Variants in PPP1R9A observed in about 807,000 individuals in gnomAD.
The protein encoded by PPP1R9A is protein phosphatase 1 regulatory subunit 9A, also known as neurabin-1.
A neutral mutation model predicts 141.9 loss-of-function variants in PPP1R9A; 59 were observed. The ratio of observed to expected loss-of-function variants is 0.42; its 90% CI spans 0.34 to 0.52. The LOEUF (loss-of-function observed/expected upper bound fraction) is 0.52. PPP1R9A is among the 20% of genes least tolerant of loss of function. PPP1R9A has a pLI of 0.10. For synonymous variants in PPP1R9A, 500 were observed against 569.7 expected (o/e 0.88, Z 1.74); for missense variants, 1,444 against 1,611.9 (o/e 0.90, Z 1.78).
chr7:95,268,927 G>A (rs1380102246), intron 13 of PPP1R9A, among the ~76,000 whole-genome samples: 2 of 152,064 alleles, frequency 1.3e-5, no homozygotes, highest in African/African-American at 4.8e-5. Context: ...TATCTGTATT[G>A]TCATATTTCA....
At position 95,295,639 on chromosome 7, in the gene PPP1R9A, G is replaced by A. The variant is rs1807005494; in HGVS notation, c.*5336G>A. The stretch of plus-strand genomic sequence containing the variant: ...CCAAAAACAACACAAGTGGTTGGGA[G>A]TGTATGTTGTTGGAAGGTGTACACT... On this transcript the variant is annotated 3_prime_UTR_variant, in exon 20 of 20. Transcript: ENST00000433360. The A allele has an allele frequency of 6.6e-6, 1 of 152,232 alleles. No homozygotes were observed. Among genetic ancestry groups the A allele is most frequent in the South Asian group, 2.1e-4 (1 of 4,828 alleles). 9.4% of individuals were successfully genotyped at this position (152,232 alleles called of 1,614,324 possible). A position where few individuals can be genotyped will look rare whatever the true frequency, so the allele number is the denominator to read the frequency against.
chr7:95,188,115 A>G lies in PPP1R9A; in HGVS notation c.1755-10234A>G, dbSNP rs1057371228. Among the ~76,000 whole-genome samples, 3 of 152,244 alleles carry G rather than the reference A, an allele frequency of 2.0e-5. No homozygotes were observed. In the East Asian group the frequency reaches 5.8e-4, roughly 29 times the overall value. ...GTCCCCTATTATTGGGTTGCCATCT[A>G]TCTCATTTCTTATATCTAGTAATAA... is the stretch of plus-strand genomic sequence containing the variant. On this transcript the variant is annotated intron_variant, in intron 5 of 19. Coordinates refer to ENST00000433360, the MANE Select transcript of PPP1R9A (RefSeq NM_001166160.2).
intron 2 of PPP1R9A, among the ~76,000 whole-genome samples, chr7:94,995,500 AT>A (rs1019035540): frequency 9.3e-5 from 14 of 150,314 alleles, no homozygotes; most frequent in East Asian, 1.9e-4. Flanking sequence ...TTTATTATAA[AT>A]TTTTTTTTCC....
Position 95,284,186 on chromosome 7 carries a change from G to T in PPP1R9A, c.3465G>T (p.Glu1155Asp), listed in dbSNP as rs1804833107. 6.3e-7 allele frequency: 1 copy of T among 1,584,424 alleles called. No homozygotes were observed. The highest frequency in any genetic ancestry group is 1.7e-5 in the Admixed American group (1 of 59,926). Residue 1155 changes from glutamate to aspartate, a missense_variant, in exon 17 of 20, where the codon GAG (glutamate) becomes GAT (aspartate). Transcript: ENST00000433360. The part of the protein sequence containing the change: ...APTSSLQPSP[E>D]TLISDKKGSK... The stretch of plus-strand genomic sequence containing the variant: ...CAAGTTCCCTTCAGCCTTCTCCTGA[G>T]ACTCTAATTTCAGATAAAAAGGGGT...
rs75336095 is a variant in PPP1R9A at position 95,067,284 on chromosome 7, A to G, written c.1396-43975A>G. Among the ~76,000 whole-genome samples the G allele has an allele frequency of 2.6e-5, 4 of 152,180 alleles. No homozygotes were observed. The East Asian group carries it at 7.7e-4, about 29-fold the overall frequency. On this transcript the variant is annotated intron_variant, in intron 2 of 19. Coordinates refer to ENST00000433360, the MANE Select transcript of PPP1R9A (RefSeq NM_001166160.2). Reference sequence around the variant, plus strand: ...GAGAGATGTGAAGGGAATTCCCACAATGACTGTGAAGTTTAGGCTAATAGT... The same window carrying G: ...GAGAGATGTGAAGGGAATTCCCACAGTGACTGTGAAGTTTAGGCTAATAGT...
chr7:94,928,677 T>A (rs1251513868), intron 2 of PPP1R9A, among the ~76,000 whole-genome samples: 2 of 152,238 alleles, frequency 1.3e-5, no homozygotes, highest in African/African-American at 4.8e-5. Flanking sequence ...TTTATTTGTC[T>A]TTCTAAGTGT....
intron 2 of PPP1R9A, among the ~76,000 whole-genome samples, chr7:95,090,899 C>T (rs1817259010): frequency 6.6e-6 from 1 of 151,964 alleles, no homozygotes; most frequent in Non-Finnish European, 1.5e-5. Context: ...CATGTATGTA[C>T]ATACTGATGT....
intron 2 of PPP1R9A, among the ~76,000 whole-genome samples, chr7:95,038,349 A>G (rs930235052): frequency 1.3e-5 from 2 of 152,064 alleles, no homozygotes; most frequent in Admixed American, 1.3e-4. Context: ...ATTTTGATAA[A>G]TTGCTGAAGA....
chr7:94,969,398 G>GC (rs978500570), intron 2 of PPP1R9A, among the ~76,000 whole-genome samples: 7 of 151,930 alleles, frequency 4.6e-5, no homozygotes, highest in African/African-American at 1.7e-4. Context: ...TAACAGTCAG[G>GC]CCCCCCTGCT....
chr7:95,150,458 G>A (rs563038935), intron 4 of PPP1R9A, among the ~76,000 whole-genome samples: 5 of 151,968 alleles, frequency 3.3e-5, no homozygotes, highest in Non-Finnish European at 5.9e-5. Flanking sequence ...GTGTGCCACC[G>A]TGCCTGGCTA....
chr7:95,034,778 A>G (rs894159495), intron 2 of PPP1R9A, among the ~76,000 whole-genome samples: 25 of 152,214 alleles, frequency 1.6e-4, no homozygotes, highest in African/African-American at 5.3e-4. Context: ...CTAGTTTGAG[A>G]AGTAAGAGAT....
At chr7:95,151,082 C>T (rs552376380) in intron 4 of PPP1R9A, among the ~76,000 whole-genome samples, 4 of 152,340 alleles carry the variant, frequency 2.6e-5, no homozygotes, top group Non-Finnish European at 5.9e-5. Context: ...GGTACAGCCA[C>T]TCTGGGGGAC....
chr7:95,248,678 A>G (rs113130699), intron 9 of PPP1R9A, among the ~76,000 whole-genome samples: 6 of 152,196 alleles, frequency 3.9e-5, no homozygotes, highest in African/African-American at 7.2e-5. Context: ...CTTATGTATT[A>G]GACTATAGAC....
intron 5 of PPP1R9A, among the ~76,000 whole-genome samples, chr7:95,179,778 C>CAAAAAAAAAAAAA (rs61054939): frequency 2.1e-5 from 2 of 96,984 alleles, no homozygotes; most frequent in Admixed American, 1.2e-4. Context: ...ACAATAGCTG[C>CAAAAAAAAAAAAA]AAAAAAAAAA....
intron 2 of PPP1R9A, among the ~76,000 whole-genome samples, chr7:95,010,255 A>G (rs1295213146): frequency 6.6e-6 from 1 of 151,994 alleles, no homozygotes; most frequent in African/African-American, 2.4e-5. Flanking sequence ...AATAATAAAA[A>G]TAGCTGGGCA....
chr7:95,003,912 A>C (rs574835186), intron 2 of PPP1R9A, among the ~76,000 whole-genome samples: 3 of 152,154 alleles, frequency 2.0e-5, no homozygotes, highest in African/African-American at 7.2e-5. Flanking sequence ...TAGATTAGCT[A>C]CCCATCTGTA....
At chr7:94,972,021 G>T (rs1186715233) in intron 2 of PPP1R9A, among the ~76,000 whole-genome samples, 2 of 152,114 alleles carry the variant, frequency 1.3e-5, no homozygotes, top group Admixed American at 1.3e-4. Flanking sequence ...TACCCAGTTT[G>T]TATTCTCATA....
intron 2 of PPP1R9A, among the ~76,000 whole-genome samples, chr7:95,110,012 G>A (rs916018417): frequency 6.6e-6 from 1 of 152,048 alleles, no homozygotes; most frequent in African/African-American, 2.4e-5. Context: ...ACCAAATAGG[G>A]ATCCAAGTGG....
intron 6 of PPP1R9A, 104 bp from the exon 7 acceptor site, chr7:95,203,561 G>C: frequency 1.3e-6 from 1 of 793,438 alleles, no homozygotes; most frequent in Non-Finnish European, 2.0e-6. Flanking sequence ...TTAACAGTGT[G>C]TATTACAGTA....
Sources: gnomAD v4.1 joint callset for allele counts (sites outside exome capture counted in the v4.1 genomes callset) on GRCh38, gnomAD v4.1.1 for gene constraint, MANE v1.5 for transcripts, NCBI Gene and HGNC (gene_info 2026-07-23, HGNC 2026-07-21) for gene names.